Variants in ALG9 observed in about 807,000 individuals in gnomAD.
The protein encoded by ALG9 is ALG9 alpha-1,2-mannosyltransferase, also known as alpha-1,2-mannosyltransferase ALG9.
A neutral mutation model predicts 81.8 loss-of-function variants in ALG9; 55 were observed. The ratio of observed to expected loss-of-function variants is 0.67; its 90% CI spans 0.54 to 0.84. The LOEUF (loss-of-function observed/expected upper bound fraction) is 0.84, where lower values mean the gene tolerates loss of function less well. Ranked by LOEUF, ALG9 falls within the 40% of genes least tolerant of loss-of-function variation. The probability of loss-of-function intolerance (pLI) is 0.00; values close to 1 mark genes in which losing one functional copy is unlikely to be tolerated. For missense variants in ALG9, 629 were observed against 745.0 expected (o/e 0.84, Z 1.81); for synonymous variants, 278 against 274.3 (o/e 1.01, Z -0.13).
At chr11:111,800,235 C>T (rs182611069) in intron 14 of ALG9, among the ~76,000 whole-genome samples, 12 of 152,216 alleles carry the variant, frequency 7.9e-5, no homozygotes, top group Admixed American at 7.8e-4. Flanking sequence ...AATCCCAGCA[C>T]TTTGGGAGGC....
chr11:111,845,538 A>G (rs1956829007), intron 8 of ALG9: 1 of 152,208 alleles, frequency 6.6e-6, no homozygotes, highest in South Asian at 2.1e-4. Context: ...ATGAAGCAAA[A>G]TCACTAAAAA....
At position 111,857,637 on chromosome 11, in the gene ALG9, C is replaced by G; in HGVS notation, c.666G>C (p.Gly222=). The G allele has an allele frequency of 6.2e-7, 1 of 1,614,116 alleles. No homozygotes were observed. Among genetic ancestry groups the G allele is most frequent in the Non-Finnish European group, 8.5e-7 (1 of 1,180,024 alleles). ...TSIAVLGVAA[G]AILGWPFSAA... ...CACTGAATGGCCAGCCTAAGATAGC[C>G]CCAGCTGCTACTCCCAGCACAGCAA... is the stretch of plus-strand genomic sequence containing the variant. Residue 222 remains glycine, a synonymous_variant, in exon 6 of 15, where the codon GGG becomes GGC. Transcript: ENST00000616540.
chr11:111,803,416 G>A (rs1404058478), intron 14 of ALG9, among the ~76,000 whole-genome samples: 1 of 151,198 alleles, frequency 6.6e-6, no homozygotes, highest in Non-Finnish European at 1.5e-5. Flanking sequence ...CAGGAGAATC[G>A]CTTGAACCCG....
chr11:111,793,401 C>T (rs1360313563), intron 14 of ALG9, among the ~76,000 whole-genome samples: 1 of 152,102 alleles, frequency 6.6e-6, no homozygotes, highest in Non-Finnish European at 1.5e-5. Context: ...ATAACTGGGG[C>T]ATTTTGAATT....
At chr11:111,786,559 G>A (rs1555064569) in intron 14 of ALG9, 39 bp from the exon 15 acceptor site, 2 of 1,608,584 alleles carry the variant, frequency 1.2e-6, no homozygotes, top group African/African-American at 1.3e-5. Context: ...TTTATCACTT[G>A]GGAGAATTTA....
In ALG9 at chr11:111,782,591, ACCTCTTCTC is replaced by A. The variant is rs1242053259; in HGVS notation, c.*3797_*3805del. 6.6e-6 allele frequency: 1 copy of A among 152,572 alleles called. No homozygotes were observed. Among genetic ancestry groups the A allele is most frequent in the African/African-American group, 2.4e-5 (1 of 41,456 alleles). The allele number at this position is 152,572 out of a possible 1,614,324, so 9.5% of individuals were successfully genotyped here. A position where few individuals can be genotyped will look rare whatever the true frequency, so the allele number is the denominator to read the frequency against. On this transcript the variant is annotated 3_prime_UTR_variant, in exon 15 of 15. Transcript: ENST00000616540. ...CTTGTGGAGGCCAAGATTAAATTGT[ACCTCTTCTC>A]CCTCTTCAGAGAAAATAAAATTAAC...
At chr11:111,865,317 A>G (rs1961989622) in intron 3 of ALG9, 66 bp from the exon 4 acceptor site, 2 of 1,191,824 alleles carry the variant, frequency 1.7e-6, no homozygotes, top group Non-Finnish European at 2.4e-6. Flanking sequence ...CATAAACATG[A>G]ACCACTCTCA....
At chr11:111,792,814 A>G (rs564153089) in intron 14 of ALG9, among the ~76,000 whole-genome samples, 1 of 152,344 alleles carries the variant, frequency 6.6e-6, no homozygotes, top group Admixed American at 6.5e-5. Flanking sequence ...AATCCTTTAG[A>G]AGACAAACCT....
At chr11:111,774,309 C>A in the ALG9 span, among the ~76,000 whole-genome samples, 1 of 152,092 alleles carries the variant, frequency 6.6e-6, no homozygotes, top group East Asian at 1.9e-4. Flanking sequence ...CCAGGAGGCA[C>A]AGATTGCGGT....
chr11:111,853,261 A>G lies in ALG9; in HGVS notation c.895+119T>C, dbSNP rs11214019. On this transcript the variant is annotated intron_variant, in intron 8 of 14. Transcript: ENST00000616540. ...CTCAGATGTCATTTTTAAATAGGAA[A>G]AGATAATATCAGCCAAGAAATGCTA... The G allele has an allele frequency of 3.5e-3, 2,685 of 759,770 alleles. 53 individuals are homozygous for G. The African/African-American group carries it at 0.042, about 12-fold the overall frequency. The allele number at this position is 759,770 out of a possible 1,614,324, so 47.1% of individuals were successfully genotyped here.
chr11:111,847,562 T>C (rs1957118337), intron 8 of ALG9, among the ~76,000 whole-genome samples: 2 of 152,202 alleles, frequency 1.3e-5, no homozygotes, highest in South Asian at 4.1e-4. Flanking sequence ...CTTGCCAGCA[T>C]CAACATCTGA....
chr11:111,774,158 C>T, the ALG9 span, among the ~76,000 whole-genome samples: 13 of 150,894 alleles, frequency 8.6e-5, no homozygotes, highest in Non-Finnish European at 1.8e-4. Context: ...AGGCAGATCA[C>T]CTAAGGTCGG....
At position 111,867,742 on chromosome 11, in the gene ALG9, T is replaced by C. The variant is rs118148589; in HGVS notation, c.405+860A>G. Among the ~76,000 whole-genome samples, 1,007 of 152,176 alleles carry C rather than the reference T, an allele frequency of 6.6e-3. 6 individuals carry two copies. Among genetic ancestry groups the C allele is most frequent in the Middle Eastern group, 0.045 (13 of 292 alleles). On this transcript the variant is annotated intron_variant, in intron 3 of 14. Coordinates refer to ENST00000616540, the MANE Select transcript of ALG9 (RefSeq NM_024740.2). ...GCTGGACATTTTAGGTATTGCATTATGAGATTCTGGATTATTCATGGGCTC... is the reference window on the plus strand; with the variant it reads ...GCTGGACATTTTAGGTATTGCATTACGAGATTCTGGATTATTCATGGGCTC...
At chr11:111,789,036 T>TCTCA (rs1345194613) in intron 14 of ALG9, among the ~76,000 whole-genome samples, 1 of 151,636 alleles carries the variant, frequency 6.6e-6, no homozygotes, top group Non-Finnish European at 1.5e-5. Context: ...AGAGACAGGG[T>TCTCA]CTCACTATTT....
intron 14 of ALG9, among the ~76,000 whole-genome samples, chr11:111,808,781 G>T (rs1950280649): frequency 6.6e-6 from 1 of 152,094 alleles, no homozygotes; most frequent in Non-Finnish European, 1.5e-5. Context: ...AACTCCAACT[G>T]TCTGTTTACC....
At chr11:111,847,165 G>A (rs1957065892) in intron 8 of ALG9, among the ~76,000 whole-genome samples, 1 of 151,978 alleles carries the variant, frequency 6.6e-6, no homozygotes, top group South Asian at 2.1e-4. Context: ...ACCACCGAGA[G>A]GGAAAAGCCA....
Position 111,871,570 on chromosome 11 carries a change from G to C in ALG9, c.-88C>G. On this transcript the variant is annotated 5_prime_UTR_variant, in exon 1 of 15. Transcript: ENST00000616540. Reference sequence around the variant, plus strand: ...TTGGCTGGCAAACGGTGTCCGCCGAGGGACAAAAGACCTTGACATGCGCAG... The same window carrying C: ...TTGGCTGGCAAACGGTGTCCGCCGACGGACAAAAGACCTTGACATGCGCAG... 6.5e-7 allele frequency: 1 copy of C among 1,531,978 alleles called. No individual in the cohort carries two copies. Among genetic ancestry groups the C allele is most frequent in the South Asian group, 1.2e-5 (1 of 83,244 alleles). 94.9% of individuals were successfully genotyped at this position (1,531,978 alleles called of 1,614,324 possible).
chr11:111,788,471 C>T (rs782253320), intron 14 of ALG9: 7 of 453,858 alleles, frequency 1.5e-5, no homozygotes, highest in South Asian at 4.7e-5. Flanking sequence ...TGGCCAGGCA[C>T]GGTGGCTCAG....
At chr11:111,804,932 T>C (rs2136359196) in intron 14 of ALG9, among the ~76,000 whole-genome samples, 1 of 152,328 alleles carries the variant, frequency 6.6e-6, no homozygotes, top group East Asian at 1.9e-4. Context: ...ACTCTTACCA[T>C]ACAATCCAGC....
Sources: allele counts gnomAD v4.1 joint callset (sites outside exome capture counted in the v4.1 genomes callset), GRCh38; gene constraint gnomAD v4.1.1; transcripts MANE v1.5; gene names NCBI Gene and HGNC (gene_info 2026-07-23, HGNC 2026-07-21).